The following HUNK variants were observed in gnomAD, a reference collection of about 807,000 sequenced individuals.
The protein encoded by HUNK is hormonally up-regulated Neu-associated kinase.
HUNK carries 21 observed loss-of-function variants against 61.0 expected under a neutral mutation model. The observed-to-expected ratio is 0.34, with a 90% CI of 0.24 to 0.50. The LOEUF is 0.50. Ranked by LOEUF, HUNK falls within the 20% of genes least tolerant of loss-of-function variation. HUNK has a pLI of 0.98. For synonymous variants in HUNK, 371 were observed against 386.1 expected (o/e 0.96, Z 0.46); for missense variants, 772 against 945.7 (o/e 0.82, Z 2.41).
At chr21:31,942,567 T>C (rs1044213405) in intron 3 of HUNK, among the ~76,000 whole-genome samples, 3 of 152,188 alleles carry the variant, frequency 2.0e-5, no homozygotes, top group African/African-American at 7.2e-5. Context: ...GAGGAAATTA[T>C]ACACCTAAAT....
intron 1 of HUNK, among the ~76,000 whole-genome samples, chr21:31,899,285 G>A (rs773723387): frequency 4.0e-4 from 61 of 152,196 alleles, no homozygotes; most frequent in African/African-American, 1.3e-3. Flanking sequence ...AAATCAAGGC[G>A]TTGGCAGAGC....
Position 31,970,454 on chromosome 21 carries a change from G to A in HUNK, c.1010+2069G>A, listed in dbSNP as rs373766957. Among the ~76,000 whole-genome samples, 430 of 152,246 alleles carry A rather than the reference G, an allele frequency of 2.8e-3. 2 individuals carry two copies. The highest frequency in any genetic ancestry group is 0.01 in the African/African-American group (419 of 41,542). On this transcript the variant is annotated intron_variant, in intron 6 of 10. Coordinates refer to ENST00000270112, the MANE Select transcript of HUNK (RefSeq NM_014586.2). ...GATTGCTGTTTTCCAATAACAGCTC[G>A]ATGTGGGCCAGGATCTGAAACAGAC...
At chr21:31,911,955 G>A (rs1388727615) in intron 1 of HUNK, among the ~76,000 whole-genome samples, 3 of 152,264 alleles carry the variant, frequency 2.0e-5, no homozygotes, top group Non-Finnish European at 2.9e-5. Context: ...TGGGCTCAGC[G>A]CGGATCCTAA....
intron 8 of HUNK, among the ~76,000 whole-genome samples, chr21:31,985,934 G>T (rs1258390444): frequency 1.1e-4 from 17 of 152,158 alleles, no homozygotes; most frequent in Non-Finnish European, 4.4e-5. Flanking sequence ...TTGACCCCAG[G>T]CTGGATGCCC....
At chr21:31,967,377 T>C (rs1386839374) in intron 5 of HUNK, among the ~76,000 whole-genome samples, 1 of 151,970 alleles carries the variant, frequency 6.6e-6, no homozygotes, top group Non-Finnish European at 1.5e-5. Context: ...ATGAATAAAA[T>C]AAATACAAAA....
At chr21:31,913,689 G>A (rs73361270) in intron 1 of HUNK, among the ~76,000 whole-genome samples, 15,349 of 151,758 alleles carry the variant, frequency 0.1, 1,516 homozygotes, top group African/African-American at 0.26. Context: ...GGCACTCATG[G>A]GCAGATGGAC....
chr21:31,958,997 G>C (rs369605181), intron 5 of HUNK, 27 bp downstream of exon 5: 1 of 1,564,226 alleles, frequency 6.4e-7, no homozygotes. Context: ...TCTAGATCAC[G>C]GTTCAGGACT....
intron 1 of HUNK, among the ~76,000 whole-genome samples, chr21:31,896,931 C>T (rs1455019970): frequency 6.6e-6 from 1 of 152,136 alleles, no homozygotes; most frequent in Non-Finnish European, 1.5e-5. Context: ...CTATGGCTAC[C>T]ATAACAAAGT....
chr21:31,945,890 A>T, intron 3 of HUNK, 146 bp from the exon 4 acceptor site: 1 of 774,912 alleles, frequency 1.3e-6, no homozygotes, highest in Non-Finnish European at 2.0e-6. Context: ...TGCAGCTGCT[A>T]CAGTTTTCTT....
chr21:31,962,773 A>T (rs539482253), intron 5 of HUNK, among the ~76,000 whole-genome samples: 68 of 152,366 alleles, frequency 4.5e-4, no homozygotes, highest in African/African-American at 1.5e-3. Flanking sequence ...TCTTTTTTCA[A>T]CTAGGATTGA....
At chr21:31,888,391 A>G (rs532449950) in intron 1 of HUNK, among the ~76,000 whole-genome samples, 1 of 152,298 alleles carries the variant, frequency 6.6e-6, no homozygotes, top group Non-Finnish European at 1.5e-5. Context: ...TATGTAGTAC[A>G]GATCTACCAT....
At chr21:31,977,444 T>C (rs1168130659) in intron 7 of HUNK, among the ~76,000 whole-genome samples, 1 of 152,220 alleles carries the variant, frequency 6.6e-6, no homozygotes, top group African/African-American at 2.4e-5. Flanking sequence ...ATTTTGCTTA[T>C]TAGAGAATGA....
At chr21:31,969,611 G>C (rs1169473262) in intron 6 of HUNK, among the ~76,000 whole-genome samples, 2 of 150,888 alleles carry the variant, frequency 1.3e-5, no homozygotes, top group African/African-American at 4.9e-5. Flanking sequence ...CTGTCACCCA[G>C]GCTAGAGTGT....
At chr21:31,935,384 A>G (rs911438344) in intron 2 of HUNK, among the ~76,000 whole-genome samples, 3 of 152,216 alleles carry the variant, frequency 2.0e-5, no homozygotes, top group African/African-American at 7.2e-5. Context: ...CATTTGTTAC[A>G]ATGGATGAAC....
chr21:31,873,513 C>A lies in HUNK; in HGVS notation c.-162C>A. On this transcript the variant is annotated 5_prime_UTR_variant, in exon 1 of 11. Transcript: ENST00000270112. This position sits in a 1 kb window ranked among gnomAD's most constrained non-coding sequence, Gnocchi z 6.1. ...TGTCTACGCGCCTCGCTGGGCGGCG[C>A]GGGGGGCGTGATCGCGGCGGCCCCG... 1 of 429,094 alleles carries A rather than the reference C, an allele frequency of 2.3e-6. No individual in the cohort carries two copies. Among genetic ancestry groups the A allele is most frequent in the Non-Finnish European group, 3.1e-6 (1 of 321,294 alleles). The allele number at this position is 429,094 out of a possible 1,614,324, so 26.6% of individuals were successfully genotyped here. A position where few individuals can be genotyped will look rare whatever the true frequency, so the allele number is the denominator to read the frequency against.
chr21:32,002,551 C>T lies in HUNK; in HGVS notation c.*3367C>T, dbSNP rs954818986. On this transcript the variant is annotated 3_prime_UTR_variant, in exon 11 of 11. Coordinates refer to ENST00000270112, the MANE Select transcript of HUNK (RefSeq NM_014586.2). Reference sequence around the variant, plus strand: ...CAGGTGGCAGTTCAAGAAGAATCAACCTTTTTCATTTGGGGATATTAGGAT... The same window carrying T: ...CAGGTGGCAGTTCAAGAAGAATCAATCTTTTTCATTTGGGGATATTAGGAT... The T allele has an allele frequency of 2.0e-4, 31 of 152,196 alleles. No individual in the cohort carries two copies. Among genetic ancestry groups the T allele is most frequent in the African/African-American group, 7.5e-4 (31 of 41,432 alleles). 9.4% of individuals were successfully genotyped at this position (152,196 alleles called of 1,614,324 possible). A position where few individuals can be genotyped will look rare whatever the true frequency, so the allele number is the denominator to read the frequency against.
At position 31,999,337 on chromosome 21, in the gene HUNK, A is replaced by G. The variant is rs990510712; in HGVS notation, c.*153A>G. 10 of 693,594 alleles carry G rather than the reference A, an allele frequency of 1.4e-5. No individual in the cohort carries two copies. Among genetic ancestry groups the G allele is most frequent in the African/African-American group, 3.6e-5 (2 of 55,642 alleles). 43.0% of individuals were successfully genotyped at this position (693,594 alleles called of 1,614,324 possible). ...ACAGACCCAAAGCCTGCACAACCCAACCTCGCTTAGGGACCCCCAGAGATG... is the reference window on the plus strand; with the variant it reads ...ACAGACCCAAAGCCTGCACAACCCAGCCTCGCTTAGGGACCCCCAGAGATG... On this transcript the variant is annotated 3_prime_UTR_variant, in exon 11 of 11. Coordinates refer to ENST00000270112, the MANE Select transcript of HUNK (RefSeq NM_014586.2).
chr21:31,918,063 T>C (rs1256545524), intron 1 of HUNK, among the ~76,000 whole-genome samples: 1 of 152,220 alleles, frequency 6.6e-6, no homozygotes, highest in Admixed American at 6.6e-5. Flanking sequence ...TACTGTCAAA[T>C]TGAATTAGAT....
chr21:31,880,163 C>G (rs2052295583), intron 1 of HUNK, among the ~76,000 whole-genome samples: 1 of 152,182 alleles, frequency 6.6e-6, no homozygotes, highest in Non-Finnish European at 1.5e-5. Context: ...CAGGGTGCCC[C>G]TCCCGTGCAC....
Sources: gnomAD v4.1 joint callset for allele counts (sites outside exome capture counted in the v4.1 genomes callset) on GRCh38, gnomAD v4.1.1 for gene constraint, Gnocchi (gnomAD v3.1) non-coding constraint, MANE v1.5 for transcripts, NCBI Gene and HGNC (gene_info 2026-07-23, HGNC 2026-07-21) for gene names.